Variants in SLIT2 observed in about 807,000 individuals in gnomAD.
SLIT2 encodes the protein slit guidance ligand 2.
SLIT2 carries 41 observed loss-of-function variants against 185.7 expected under a neutral mutation model. The observed-to-expected ratio is 0.22, with a 90% CI of 0.17 to 0.29. The LOEUF (loss-of-function observed/expected upper bound fraction) is 0.29. Among genes scored for constraint, SLIT2 ranks in the 10% least tolerant of loss-of-function variants. The pLI, the probability that SLIT2 is intolerant of heterozygous loss-of-function variation, is 1.00. For missense variants in SLIT2, 1,571 were observed against 1,909.0 expected (o/e 0.82, Z 3.30); for synonymous variants, 693 against 680.2 (o/e 1.02, Z -0.29).
intron 21 of SLIT2, among the ~76,000 whole-genome samples, chr4:20,543,302 C>T (rs1440234191): frequency 2.0e-5 from 3 of 152,104 alleles, no homozygotes; most frequent in Admixed American, 6.6e-5. Flanking sequence ...ATACACATCT[C>T]GACCTTCTTC....
At chr4:20,480,444 TTGCATTCCTA>T (rs1240332590) in intron 5 of SLIT2, among the ~76,000 whole-genome samples, 1 of 152,170 alleles carries the variant, frequency 6.6e-6, no homozygotes, top group Non-Finnish European at 1.5e-5. Context: ...TCTAATGAAA[TTGCATTCCTA>T]TGGCATTTAA....
chr4:20,617,750 C>T, intron 36 of SLIT2, 100 bp downstream of exon 36: 1 of 683,458 alleles, frequency 1.5e-6, no homozygotes, highest in Non-Finnish European at 2.4e-6. Flanking sequence ...AAAAAAAAAA[C>T]AGGAGCAACA....
In SLIT2 at chr4:20,551,556, G is replaced by A. The variant is rs113546595; in HGVS notation, c.2561+658G>A. Reference sequence around the variant, plus strand: ...AAATTCCATGATTTTATTATTACTAGGTGTAATGTTAAGATCATGGCAAAC... The same window carrying A: ...AAATTCCATGATTTTATTATTACTAAGTGTAATGTTAAGATCATGGCAAAC... On this transcript the variant is annotated intron_variant, in intron 25 of 36. Transcript: ENST00000504154. 7.6e-3 allele frequency among the ~76,000 whole-genome samples: 1,158 copies of A among 152,212 alleles called. 18 individuals are homozygous for A. The highest frequency in any genetic ancestry group is 0.027 in the African/African-American group (1,121 of 41,526).
chr4:20,495,196 T>G (rs1023006757), intron 9 of SLIT2, among the ~76,000 whole-genome samples: 2 of 152,216 alleles, frequency 1.3e-5, no homozygotes, highest in Non-Finnish European at 2.9e-5. Flanking sequence ...AGCCGCAGTT[T>G]GAATAGTTTG....
intron 4 of SLIT2, among the ~76,000 whole-genome samples, chr4:20,306,027 A>T (rs1024305574): frequency 6.6e-6 from 1 of 152,008 alleles, no homozygotes; most frequent in Non-Finnish European, 1.5e-5. Context: ...TTACATCTTC[A>T]TTGCTTCCAA....
intron 4 of SLIT2, among the ~76,000 whole-genome samples, chr4:20,406,685 A>G (rs1318152900): frequency 6.9e-6 from 1 of 144,698 alleles, no homozygotes; most frequent in Non-Finnish European, 1.5e-5. Flanking sequence ...CAATACAACT[A>G]CAAGGACTCT....
chr4:20,381,538 G>A (rs958594612), intron 4 of SLIT2, among the ~76,000 whole-genome samples: 1 of 152,016 alleles, frequency 6.6e-6, no homozygotes, highest in Admixed American at 6.6e-5. Flanking sequence ...CTGTTCCATG[G>A]ATAATTTAGA....
At chr4:20,341,226 G>C (rs1170194207) in intron 4 of SLIT2, among the ~76,000 whole-genome samples, 3 of 152,194 alleles carry the variant, frequency 2.0e-5, no homozygotes, top group African/African-American at 7.2e-5. Context: ...TTTAGCAAAG[G>C]AGAGCTGAAG....
At chr4:20,324,083 G>T (rs1275048473) in intron 4 of SLIT2, among the ~76,000 whole-genome samples, 2 of 152,136 alleles carry the variant, frequency 1.3e-5, no homozygotes, top group Non-Finnish European at 1.5e-5. Flanking sequence ...AGCAAGTCAA[G>T]AGCATAGGGG....
chr4:20,532,674 C>G (rs1721913764), intron 17 of SLIT2, among the ~76,000 whole-genome samples: 1 of 152,198 alleles, frequency 6.6e-6, no homozygotes, highest in Non-Finnish European at 1.5e-5. Flanking sequence ...AGCATCAGCT[C>G]ACTTTAGCTG....
intron 4 of SLIT2, among the ~76,000 whole-genome samples, chr4:20,450,141 A>C (rs1235407706): frequency 1.3e-5 from 2 of 152,194 alleles, no homozygotes; most frequent in African/African-American, 2.4e-5. Flanking sequence ...ATAACTTTGA[A>C]TCTTCATGGT....
At chr4:20,592,601 C>T (rs183257457) in intron 30 of SLIT2, among the ~76,000 whole-genome samples, 5 of 152,120 alleles carry the variant, frequency 3.3e-5, no homozygotes, top group East Asian at 1.9e-4. Context: ...CTTAGACAGC[C>T]GCTATGGTGG....
intron 4 of SLIT2, among the ~76,000 whole-genome samples, chr4:20,323,638 C>T (rs1719293250): frequency 1.3e-5 from 2 of 151,976 alleles, no homozygotes; most frequent in Admixed American, 6.6e-5. Flanking sequence ...TTCCCTTAAC[C>T]GTCTAAGGAA....
chr4:20,445,576 A>G (rs997972638), intron 4 of SLIT2, among the ~76,000 whole-genome samples: 1 of 152,172 alleles, frequency 6.6e-6, no homozygotes, highest in African/African-American at 2.4e-5. Flanking sequence ...TCCCCAGCAC[A>G]CTTTAATACA....
At chr4:20,375,281 G>A (rs866396539) in intron 4 of SLIT2, among the ~76,000 whole-genome samples, 22 of 152,084 alleles carry the variant, frequency 1.4e-4, no homozygotes, top group African/African-American at 2.6e-4. Flanking sequence ...AGTTTTGTTC[G>A]TCCAGTTCTG....
intron 4 of SLIT2, among the ~76,000 whole-genome samples, chr4:20,433,843 T>C (rs1396286526): frequency 6.6e-6 from 1 of 152,202 alleles, no homozygotes; most frequent in African/African-American, 2.4e-5. Flanking sequence ...CATCTTTAAT[T>C]ACTGTGAGTG....
At chr4:20,558,232 A>G (rs929929396) in intron 26 of SLIT2, among the ~76,000 whole-genome samples, 2 of 152,090 alleles carry the variant, frequency 1.3e-5, no homozygotes, top group Non-Finnish European at 2.9e-5. Flanking sequence ...ACAGCATCAC[A>G]TACTACAGAG....
intron 29 of SLIT2, among the ~76,000 whole-genome samples, chr4:20,587,565 C>T (rs992165391): frequency 6.6e-6 from 1 of 152,120 alleles, no homozygotes; most frequent in African/African-American, 2.4e-5. Context: ...GAACTTTGTC[C>T]TTGTTCACTC....
chr4:20,339,090 C>CAAAAAAAAA (rs398051113), intron 4 of SLIT2, among the ~76,000 whole-genome samples: 1 of 70,736 alleles, frequency 1.4e-5, no homozygotes, highest in Non-Finnish European at 2.5e-5. Context: ...GAGACACTCT[C>CAAAAAAAAA]AAAAAAAAAA....
Sources: gnomAD v4.1 joint callset for allele counts (sites outside exome capture counted in the v4.1 genomes callset) on GRCh38, gnomAD v4.1.1 for gene constraint, MANE v1.5 for transcripts, NCBI Gene and HGNC (gene_info 2026-07-23, HGNC 2026-07-21) for gene names.